ZNF704: variants seen among roughly 807,000 people sequenced by gnomAD.
ZNF704 encodes the protein zinc finger protein 704.
A neutral mutation model predicts 44.7 loss-of-function variants in ZNF704; 10 were observed. The observed-to-expected ratio is 0.22, with a 90% CI of 0.14 to 0.38. The LOEUF (loss-of-function observed/expected upper bound fraction) is 0.38. Among genes scored for constraint, ZNF704 ranks in the 10% least tolerant of loss-of-function variants. ZNF704 has a pLI of 1.00. For missense variants in ZNF704, 390 were observed against 545.5 expected, an observed-to-expected ratio of 0.71 and a Z score of 2.84; for synonymous variants, 211 against 207.6, an observed-to-expected ratio of 1.02 and a Z score of -0.14.
upstream of ZNF704, among the ~76,000 whole-genome samples, chr8:80,876,967 A>G (rs761029373): frequency 6.6e-5 from 10 of 152,158 alleles, no homozygotes; most frequent in Non-Finnish European, 4.4e-5. Context: ...GATGAAAGAA[A>G]GTAAATGTTT....
chr8:80,677,142 T>A lies in ZNF704; in HGVS notation c.559-6539A>T, dbSNP rs58854352. Among the ~76,000 whole-genome samples the A allele has an allele frequency of 4.2e-3, 641 of 152,344 alleles. 5 individuals are homozygous for A. The highest frequency in any genetic ancestry group is 0.015 in the African/African-American group (603 of 41,574). On this transcript the variant is annotated intron_variant, in intron 4 of 8. Transcript: ENST00000327835. ...TGAGTCAGTCAGATGTAGGCTTTCA[T>A]ACTGAATATAATAGTAATTATTGTA... is the stretch of plus-strand genomic sequence containing the variant.
chr8:80,865,805 T>C (rs1298088341), intron 1 of ZNF704, among the ~76,000 whole-genome samples: 1 of 152,166 alleles, frequency 6.6e-6, no homozygotes, highest in Non-Finnish European at 1.5e-5. Context: ...GGCTCCATGG[T>C]GTTCTGCAAC....
chr8:80,670,260 C>A (rs1215132024), intron 5 of ZNF704, among the ~76,000 whole-genome samples: 1 of 152,202 alleles, frequency 6.6e-6, no homozygotes, highest in African/African-American at 2.4e-5. Context: ...CTCAGGGCAG[C>A]AGCTTGCCTA....
At chr8:80,675,985 G>A (rs1436643566) in intron 4 of ZNF704, among the ~76,000 whole-genome samples, 1 of 152,188 alleles carries the variant, frequency 6.6e-6, no homozygotes, top group African/African-American at 2.4e-5. Context: ...AGAAGGAGCA[G>A]TAAGAGAGAG....
chr8:80,683,685 T>G (rs1418085312), intron 4 of ZNF704, among the ~76,000 whole-genome samples: 4 of 152,246 alleles, frequency 2.6e-5, no homozygotes, highest in African/African-American at 7.2e-5. Context: ...ATTTGGGGGA[T>G]GATGAAATGA....
intron 2 of ZNF704, among the ~76,000 whole-genome samples, chr8:80,783,317 CTTTT>C (rs1163178664): frequency 6.6e-6 from 1 of 152,166 alleles, no homozygotes; most frequent in Non-Finnish European, 1.5e-5. Flanking sequence ...TTAGTCCATT[CTTTT>C]TATTTTTCCC....
chr8:80,704,001 AT>A (rs371282238), intron 2 of ZNF704, among the ~76,000 whole-genome samples: 3,573 of 150,276 alleles, frequency 0.024, 138 homozygotes, highest in African/African-American at 0.081. Flanking sequence ...CGTTCATAGG[AT>A]TTTTTTTTTC....
At chr8:80,827,053 C>T (rs1338818280) in intron 1 of ZNF704, among the ~76,000 whole-genome samples, 2 of 152,058 alleles carry the variant, frequency 1.3e-5, no homozygotes, top group Non-Finnish European at 2.9e-5. Flanking sequence ...CTATTCAACA[C>T]AGTGTTGGAA....
At position 80,660,583 on chromosome 8, in the gene ZNF704, A is replaced by C. The variant is rs10094677; in HGVS notation, c.928-894T>G. Among the ~76,000 whole-genome samples the C allele has an allele frequency of 1.0e-3, 156 of 152,296 alleles. 1 individual carries two copies. The highest frequency in any genetic ancestry group is 1.5e-3 in the Non-Finnish European group (105 of 68,018). On this transcript the variant is annotated intron_variant, in intron 6 of 8. Coordinates refer to ENST00000327835, the MANE Select transcript of ZNF704 (RefSeq NM_001033723.3). Reference sequence around the variant, plus strand: ...TCAAAATGTTGTTAAAATGGCATAAAAACAGACACATATACCAATGGAGCA... The same window carrying C: ...TCAAAATGTTGTTAAAATGGCATAACAACAGACACATATACCAATGGAGCA...
In ZNF704 at chr8:80,643,115, A is replaced by T. The variant is rs1817770880; in HGVS notation, c.1047T>A (p.His349Gln). 1 of 1,604,978 alleles carries T rather than the reference A, an allele frequency of 6.2e-7. No individual in the cohort carries two copies. Among genetic ancestry groups the T allele is most frequent in the African/African-American group, 1.3e-5 (1 of 74,608 alleles). Residue 349 changes from histidine (H) to glutamine (Q), a missense_variant, in exon 8 of 9, where the codon CAT becomes CAA. Physicochemically the swap from His to Gln is conservative, Grantham distance 24. Coordinates refer to ENST00000327835, the MANE Select transcript of ZNF704 (RefSeq NM_001033723.3). ...TFTGIPVSPT[H>Q]HPVGTGEQRQ... ...TCTGCTCTCCTGTGCCCACCGGATG[A>T]TGTGTGGGTGACACCTGGTGAATAC...
At chr8:80,852,004 T>C (rs116295735) in intron 1 of ZNF704, among the ~76,000 whole-genome samples, 4 of 152,246 alleles carry the variant, frequency 2.6e-5, no homozygotes, top group African/African-American at 9.6e-5. Context: ...CCTTTAGCCA[T>C]ACAAAGGGTG....
chr8:80,699,611 C>CTGTGGAAAAAAA (rs1818778391), intron 2 of ZNF704, among the ~76,000 whole-genome samples: 2 of 152,178 alleles, frequency 1.3e-5, no homozygotes, highest in East Asian at 3.9e-4. Context: ...AAAACTATGG[C>CTGTGGAAAAAAA]CTGTGGAAAA....
intron 2 of ZNF704, among the ~76,000 whole-genome samples, chr8:80,807,168 A>C (rs1416238001): frequency 4.6e-5 from 7 of 152,186 alleles, no homozygotes; most frequent in Admixed American, 3.9e-4. Context: ...GGAGTGACTC[A>C]ATATAGACAA....
At chr8:80,811,660 C>CA (rs1054743309) in intron 2 of ZNF704, among the ~76,000 whole-genome samples, 29 of 152,134 alleles carry the variant, frequency 1.9e-4, no homozygotes, top group African/African-American at 6.5e-4. Flanking sequence ...GTTAACTATA[C>CA]AAAAAAAGGC....
At position 80,789,235 on chromosome 8, in the gene ZNF704, G is replaced by C. The variant is rs1807663403; in HGVS notation, c.221+32139C>G. Among the ~76,000 whole-genome samples, 4 of 152,202 alleles carry C rather than the reference G, an allele frequency of 2.6e-5. No individual in the cohort carries two copies. The South Asian group carries it at 6.2e-4, about 24-fold the overall frequency. On this transcript the variant is annotated intron_variant, in intron 2 of 8. Transcript: ENST00000327835. ...AAAGTGAGGAAATGATTAAAAACAG[G>C]TACAGTGTGGACATCATCATGCACT...
chr8:80,735,193 T>C (rs1383749736), intron 2 of ZNF704, among the ~76,000 whole-genome samples: 1 of 152,254 alleles, frequency 6.6e-6, no homozygotes, highest in Non-Finnish European at 1.5e-5. Context: ...ACTGTCCACA[T>C]GATGCTTAGT....
chr8:80,687,247 C>T lies in ZNF704; in HGVS notation c.537G>A (p.Glu179=). The T allele has an allele frequency of 6.2e-7, 1 of 1,612,280 alleles. No individual in the cohort carries two copies. The highest frequency in any genetic ancestry group is 1.3e-5 in the African/African-American group (1 of 75,040). ...CAACCTTTCTTTTCCTGGGAATGGG[C>T]TCGTCGAAGAGCAGGTTGCTGGCCT... is the stretch of plus-strand genomic sequence containing the variant. ...EAEASNLLFD[E]PIPRKRKNSM... Residue 179 remains glutamate, a synonymous_variant, in exon 4 of 9, where the codon GAG becomes GAA. Transcript: ENST00000327835.
At chr8:80,760,458 C>A (rs1807108978) in intron 2 of ZNF704, among the ~76,000 whole-genome samples, 1 of 151,946 alleles carries the variant, frequency 6.6e-6, no homozygotes, top group Non-Finnish European at 1.5e-5. Flanking sequence ...GAGATCGAGA[C>A]CATCCTGGCC....
chr8:80,737,974 G>A (rs1028225630), intron 2 of ZNF704, among the ~76,000 whole-genome samples: 20 of 152,134 alleles, frequency 1.3e-4, no homozygotes, highest in African/African-American at 4.6e-4. Flanking sequence ...CTTCTAGTCT[G>A]GAACAGTTTC....
Sources: gnomAD v4.1 joint callset for allele counts (sites outside exome capture counted in the v4.1 genomes callset) on GRCh38, gnomAD v4.1.1 for gene constraint, MANE v1.5 for transcripts, NCBI Gene and HGNC (gene_info 2026-07-23, HGNC 2026-07-21) for gene names.